DOCK3: variants seen among roughly 807,000 people sequenced by gnomAD.
DOCK3 encodes the protein dedicator of cytokinesis 3.
A neutral mutation model predicts 265.6 loss-of-function variants in DOCK3; 60 were observed. The observed-to-expected ratio is 0.23, with a 90% CI of 0.18 to 0.28. DOCK3 has a LOEUF of 0.28. DOCK3 is among the 10% of genes least tolerant of loss of function. DOCK3 has a pLI of 1.00. For synonymous variants in DOCK3, 881 were observed against 938.0 expected (o/e 0.94, Z 1.11); for missense variants, 1,981 against 2,594.3 (o/e 0.76, Z 5.14).
chr3:50,720,945 G>A (rs1025782678), intron 1 of DOCK3, among the ~76,000 whole-genome samples: 5 of 152,096 alleles, frequency 3.3e-5, no homozygotes, highest in African/African-American at 1.2e-4. Context: ...CACTTCTCTA[G>A]TGATCAGTGA....
At chr3:51,342,519 C>T (rs1400483076) in intron 38 of DOCK3, among the ~76,000 whole-genome samples, 4 of 152,202 alleles carry the variant, frequency 2.6e-5, no homozygotes, top group Non-Finnish European at 4.4e-5. Context: ...CTGCCCCTCA[C>T]CCTCATGCCC....
In DOCK3 at chr3:50,935,958, A is replaced by G. The variant is rs187520372; in HGVS notation, c.315+1881A>G. On this transcript the variant is annotated intron_variant, in intron 5 of 52. Coordinates refer to ENST00000266037, the MANE Select transcript of DOCK3 (RefSeq NM_004947.5). ...TCATATGAAAAATCAGGAAAATAGA[A>G]ACTCAACAGATGCCAATATTGAGAT... Among the ~76,000 whole-genome samples the G allele has an allele frequency of 1.1e-4, 16 of 152,302 alleles. No individual in the cohort carries two copies. In the East Asian group the frequency reaches 3.1e-3, roughly 29 times the overall value.
At chr3:51,285,606 A>G (rs2109059907) in intron 27 of DOCK3, among the ~76,000 whole-genome samples, 3 of 151,792 alleles carry the variant, frequency 2.0e-5, no homozygotes, top group Admixed American at 2.0e-4. Context: ...ACTGAAAATT[A>G]TATAATCTGA....
intron 44 of DOCK3, 75 bp downstream of exon 44, chr3:51,357,216 G>GATT (rs933921412): frequency 9.9e-6 from 15 of 1,516,696 alleles, no homozygotes; most frequent in Admixed American, 4.0e-5. Context: ...CTCTTTTCAA[G>GATT]ATTATAGTCT....
chr3:51,162,640 C>T (rs2086194334), intron 12 of DOCK3, among the ~76,000 whole-genome samples: 1 of 152,174 alleles, frequency 6.6e-6, no homozygotes, highest in Admixed American at 6.5e-5. Context: ...ATTGTTATCT[C>T]TTTGCATGTA....
intron 1 of DOCK3, among the ~76,000 whole-genome samples, chr3:50,716,682 A>G (rs1357713724): frequency 6.6e-6 from 1 of 151,518 alleles, no homozygotes; most frequent in African/African-American, 2.4e-5. Context: ...AATTACTTTT[A>G]AGATTTTTTT....
chr3:51,332,931 A>C, intron 33 of DOCK3, 70 bp from the exon 34 acceptor site: 2 of 1,600,142 alleles, frequency 1.2e-6, no homozygotes, highest in Non-Finnish European at 1.7e-6. Context: ...ATGGAAATAG[A>C]AGATGTGTTT....
At chr3:51,289,026 G>C (rs560516267) in intron 27 of DOCK3, among the ~76,000 whole-genome samples, 1 of 151,982 alleles carries the variant, frequency 6.6e-6, no homozygotes, top group East Asian at 1.9e-4. Flanking sequence ...GAGTATAAAT[G>C]ACTTAGGACA....
chr3:51,157,899 G>A lies in DOCK3; in HGVS notation c.829-1345G>A, dbSNP rs150254865. Among the ~76,000 whole-genome samples, 990 of 146,186 alleles carry A rather than the reference G, an allele frequency of 6.8e-3. 12 individuals are homozygous for A. The highest frequency in any genetic ancestry group is 0.024 in the African/African-American group (949 of 39,636). On this transcript the variant is annotated intron_variant, in intron 10 of 52. Transcript: ENST00000266037. ...CGGCTCACTGCAAGCTCTGCCTCCC[G>A]GGTTCATGCCATTCTCCTGCCTCAG...
intron 7 of DOCK3, 87 bp from the exon 8 acceptor site, chr3:51,089,156 T>C (rs1208670582): frequency 1.5e-5 from 20 of 1,359,014 alleles, no homozygotes; most frequent in Non-Finnish European, 1.0e-6. Context: ...ATAAAAGGCA[T>C]AGCAGACTGC....
intron 21 of DOCK3, among the ~76,000 whole-genome samples, chr3:51,240,381 A>G (rs1052878369): frequency 6.6e-5 from 10 of 152,314 alleles, no homozygotes; most frequent in Non-Finnish European, 1.0e-4. Context: ...ACTATGTGCC[A>G]TGTGGCAATG....
At chr3:51,323,264 T>G (rs527609767) in intron 32 of DOCK3, among the ~76,000 whole-genome samples, 8 of 152,138 alleles carry the variant, frequency 5.3e-5, no homozygotes, top group Admixed American at 3.9e-4. Context: ...GTGGGAGTCT[T>G]TAACACCCCA....
At chr3:50,921,246 T>C (rs1205463546) in intron 4 of DOCK3, among the ~76,000 whole-genome samples, 1 of 152,184 alleles carries the variant, frequency 6.6e-6, no homozygotes, top group Non-Finnish European at 1.5e-5. Flanking sequence ...GCTTTGTTCA[T>C]TTCTTTTTAC....
At chr3:50,844,791 TTTG>T (rs1261894201) in intron 3 of DOCK3, among the ~76,000 whole-genome samples, 1 of 152,224 alleles carries the variant, frequency 6.6e-6, no homozygotes, top group Non-Finnish European at 1.5e-5. Flanking sequence ...TTTTGAGGAC[TTTG>T]TTTTTTCTGC....
At chr3:51,342,670 G>A (rs749263099) in intron 38 of DOCK3, among the ~76,000 whole-genome samples, 8 of 152,208 alleles carry the variant, frequency 5.3e-5, no homozygotes, top group South Asian at 2.1e-4. Context: ...GAGTCTACCC[G>A]TGGGATGCAT....
At chr3:50,676,483 A>G (rs903751496) in intron 1 of DOCK3, among the ~76,000 whole-genome samples, 8 of 152,212 alleles carry the variant, frequency 5.3e-5, no homozygotes, top group African/African-American at 1.9e-4. Context: ...GGAATTGAGA[A>G]ATGATGCGAA....
At chr3:50,715,009 G>A (rs944117672) in intron 1 of DOCK3, among the ~76,000 whole-genome samples, 2 of 152,168 alleles carry the variant, frequency 1.3e-5, no homozygotes. Flanking sequence ...TTTAGCAATT[G>A]CACTCAACAT....
intron 13 of DOCK3, among the ~76,000 whole-genome samples, chr3:51,212,381 A>T (rs1008024357): frequency 1.3e-5 from 2 of 151,424 alleles, no homozygotes; most frequent in African/African-American, 4.9e-5. Flanking sequence ...AAAGGCAGTC[A>T]GTGAGTACTT....
intron 1 of DOCK3, among the ~76,000 whole-genome samples, chr3:50,752,941 A>G (rs1461646728): frequency 6.6e-6 from 1 of 152,140 alleles, no homozygotes; most frequent in African/African-American, 2.4e-5. Context: ...AATATATGAC[A>G]TTGGTACTAT....
Sources: gnomAD v4.1 joint callset for allele counts (sites outside exome capture counted in the v4.1 genomes callset) on GRCh38, gnomAD v4.1.1 for gene constraint, MANE v1.5 for transcripts, NCBI Gene and HGNC (gene_info 2026-07-23, HGNC 2026-07-21) for gene names.